YAE1: variants seen among roughly 807,000 people sequenced by gnomAD.
YAE1 encodes the protein YAE1 maturation factor of ABCE1, also known as protein YAE1 homolog.
In YAE1, 22 loss-of-function variants were observed where a neutral mutation model predicts 23.0. The observed-to-expected ratio is 0.96, with a 90% CI of 0.68 to 1.37. The LOEUF (loss-of-function observed/expected upper bound fraction) is 1.37. Ranked by LOEUF, YAE1 falls within the 40% of genes most tolerant of loss-of-function variation. The pLI is 0.00. For synonymous variants in YAE1, 101 were observed against 97.0 expected, an observed-to-expected ratio of 1.04 and a Z score of -0.24; for missense variants, 260 against 262.1, an observed-to-expected ratio of 0.99 and a Z score of 0.06.
chr7:39,571,785 G>A (rs756809357), intron 2 of YAE1, among the ~76,000 whole-genome samples: 1 of 152,116 alleles, frequency 6.6e-6, no homozygotes, highest in Non-Finnish European at 1.5e-5. Flanking sequence ...TGTGACATAA[G>A]CCCAGGAAAG....
intron 1 of YAE1, chr7:39,567,130 G>A (rs1790483596): frequency 6.6e-6 from 1 of 152,294 alleles, no homozygotes; most frequent in Non-Finnish European, 1.5e-5. Flanking sequence ...CTTAATTTCT[G>A]TGTGCAGCCT....
downstream of YAE1, among the ~76,000 whole-genome samples, chr7:39,611,927 T>C (rs1791225442): frequency 6.6e-6 from 1 of 152,200 alleles, no homozygotes. Context: ...GATGTTCTGA[T>C]CAAATGGCTT....
downstream of YAE1, among the ~76,000 whole-genome samples, chr7:39,576,795 G>GA (rs371157096): frequency 1.5e-4 from 22 of 147,038 alleles, no homozygotes; most frequent in South Asian, 2.1e-4. Flanking sequence ...CTTGATGAGA[G>GA]AAAAAAAAAA....
intron 2 of YAE1, among the ~76,000 whole-genome samples, chr7:39,579,351 A>G (rs1454231623): frequency 6.6e-6 from 1 of 152,108 alleles, no homozygotes; most frequent in Non-Finnish European, 1.5e-5. Context: ...AAATAATAAC[A>G]TGGTAGCAGT....
intron 2 of YAE1, among the ~76,000 whole-genome samples, chr7:39,582,205 G>A (rs574966018): frequency 2.7e-4 from 41 of 151,756 alleles, no homozygotes; most frequent in African/African-American, 9.7e-4. Flanking sequence ...CATTTTTGTT[G>A]TTGTCATTGT....
At position 39,572,847 on chromosome 7, in the gene YAE1, C is replaced by A. The variant is rs1378322742; in HGVS notation, c.*141C>A. ...AGTTTGAAATTAACACTATTGTCTTCAAAATTAACACTATTAAATGTAATA... is the reference window on the plus strand; with the variant it reads ...AGTTTGAAATTAACACTATTGTCTTAAAAATTAACACTATTAAATGTAATA... On this transcript the variant is annotated 3_prime_UTR_variant, in exon 3 of 3. Transcript: ENST00000223273. The A allele has an allele frequency of 1.4e-5, 19 of 1,366,640 alleles. No homozygotes were observed. The highest frequency in any genetic ancestry group is 1.8e-5 in the Non-Finnish European group (19 of 1,062,226). 84.7% of individuals were successfully genotyped at this position (1,366,640 alleles called of 1,614,324 possible). A position where few individuals can be genotyped will look rare whatever the true frequency, so the allele number is the denominator to read the frequency against.
chr7:39,605,307 A>G (rs1007501230), intron 2 of YAE1, among the ~76,000 whole-genome samples: 33 of 152,162 alleles, frequency 2.2e-4, no homozygotes, highest in Admixed American at 2.2e-3. Context: ...AAGTGCCCAA[A>G]TAGTTGGTTA....
intron 2 of YAE1, among the ~76,000 whole-genome samples, chr7:39,598,412 GTT>G (rs3038990): frequency 5.6e-4 from 79 of 140,930 alleles, no homozygotes; most frequent in Admixed American, 1.6e-3. Flanking sequence ...CCTGGGCCAA[GTT>G]TTTTTTTTTT....
chr7:39,577,119 C>T (rs1275702981), downstream of YAE1, among the ~76,000 whole-genome samples: 2 of 152,240 alleles, frequency 1.3e-5, no homozygotes, highest in Non-Finnish European at 2.9e-5. Context: ...TGGTCTCAAA[C>T]TCCTGACCTC....
chr7:39,600,946 G>A (rs965024522), intron 2 of YAE1, among the ~76,000 whole-genome samples: 23 of 152,128 alleles, frequency 1.5e-4, no homozygotes, highest in African/African-American at 4.8e-4. Context: ...TATTTCTGTC[G>A]TTTAAGCCAC....
intron 2 of YAE1, among the ~76,000 whole-genome samples, chr7:39,599,800 G>T (rs563921169): frequency 1.3e-4 from 20 of 151,936 alleles, no homozygotes; most frequent in African/African-American, 4.8e-4. Flanking sequence ...TGTTGGCCAG[G>T]CTGGTCTTGG....
downstream of YAE1, among the ~76,000 whole-genome samples, chr7:39,577,346 C>A (rs756192366): frequency 3.6e-4 from 55 of 152,224 alleles, no homozygotes; most frequent in Non-Finnish European, 6.2e-4. Flanking sequence ...TCTGGCTGCG[C>A]TTGAGGAGCC....
chr7:39,576,305 C>T (rs1489222246), downstream of YAE1, among the ~76,000 whole-genome samples: 1 of 152,178 alleles, frequency 6.6e-6, no homozygotes, highest in Non-Finnish European at 1.5e-5. Flanking sequence ...CTGTCTCTTA[C>T]CAATATTATC....
chr7:39,587,794 G>A (rs1362532684), intron 2 of YAE1, among the ~76,000 whole-genome samples: 2 of 77,088 alleles, frequency 2.6e-5, no homozygotes, highest in African/African-American at 6.5e-5. Flanking sequence ...AAGTTATATT[G>A]TCTATAAACT....
downstream of YAE1, among the ~76,000 whole-genome samples, chr7:39,577,109 T>G (rs548439906): frequency 6.6e-6 from 1 of 152,306 alleles, no homozygotes; most frequent in Admixed American, 6.5e-5. Flanking sequence ...TTGGCCAGGC[T>G]GGTCTCAAAC....
chr7:39,584,112 A>G (rs1488860639), intron 2 of YAE1, among the ~76,000 whole-genome samples: 4 of 152,176 alleles, frequency 2.6e-5, no homozygotes, highest in African/African-American at 9.7e-5. Flanking sequence ...AACTAAAGGT[A>G]ATTAGCATGA....
chr7:39,583,000 G>C (rs531631025), intron 2 of YAE1, among the ~76,000 whole-genome samples: 3 of 152,310 alleles, frequency 2.0e-5, no homozygotes, highest in African/African-American at 7.2e-5. Context: ...TAGGAATTTA[G>C]TTAAAGGAAT....
intron 2 of YAE1, among the ~76,000 whole-genome samples, chr7:39,602,307 G>T (rs1273418683): frequency 2.0e-5 from 3 of 152,162 alleles, no homozygotes; most frequent in Non-Finnish European, 4.4e-5. Flanking sequence ...CAATGCAGCC[G>T]ATAGACTGCT....
chr7:39,592,347 G>A (rs1790912572), intron 2 of YAE1, among the ~76,000 whole-genome samples: 1 of 152,102 alleles, frequency 6.6e-6, no homozygotes, highest in African/African-American at 2.4e-5. Flanking sequence ...AGTATTTAGT[G>A]TCATCTATTT....
Sources: gnomAD v4.1 joint callset for allele counts (sites outside exome capture counted in the v4.1 genomes callset) on GRCh38, gnomAD v4.1.1 for gene constraint, MANE v1.5 for transcripts, NCBI Gene and HGNC (gene_info 2026-07-23, HGNC 2026-07-21) for gene names.